The following PML variants were observed in gnomAD, a reference collection of about 807,000 sequenced individuals.
The protein encoded by PML is protein PML.
Under a neutral mutation model 65.2 loss-of-function variants are expected in PML, and 28 were observed. The ratio of observed to expected loss-of-function variants is 0.43; its 90% CI spans 0.32 to 0.59. The LOEUF (loss-of-function observed/expected upper bound fraction) is 0.59. PML is among the 20% of genes least tolerant of loss of function. The pLI, the probability that PML is intolerant of heterozygous loss-of-function variation, is 0.08. For synonymous variants in PML, 500 were observed against 508.8 expected (o/e 0.98, Z 0.23); for missense variants, 1,021 against 1,203.4 (o/e 0.85, Z 2.24).
In PML at chr15:74,001,553, C is replaced by T. The variant is rs796658791; in HGVS notation, c.602+3077C>T. On this transcript the variant is annotated intron_variant, in intron 2 of 8. Coordinates refer to ENST00000268058, the MANE Select transcript of PML (RefSeq NM_033238.3). ...ACGGGGTTTCCCCATGTTGACCAGG[C>T]TGGTCTCGAACTCCTGGCCTCAAGT... 7.9e-5 allele frequency among the ~76,000 whole-genome samples: 12 copies of T among 152,126 alleles called. 1 individual carries two copies. Among genetic ancestry groups the T allele is most frequent in the African/African-American group, 2.6e-4 (11 of 41,534 alleles).
chr15:74,043,720 C>G lies in PML; in HGVS notation c.1862-501C>G, dbSNP rs756105126. 1 of 529,864 alleles carries G rather than the reference C, an allele frequency of 1.9e-6. No homozygotes were observed. Among genetic ancestry groups the G allele is most frequent in the Admixed American group, 1.9e-5 (1 of 51,816 alleles). 32.8% of individuals were successfully genotyped at this position (529,864 alleles called of 1,614,324 possible). A position where few individuals can be genotyped will look rare whatever the true frequency, so the allele number is the denominator to read the frequency against. On this transcript the variant is annotated intron_variant, in intron 8 of 8. Transcript: ENST00000268058. The surrounding 1 kb of genome is among the most constrained non-coding windows in gnomAD (Gnocchi z 4.3). ...GGCTAGCCCAGCCAGACAGAAACAG[C>G]AAGTGTTTTCATGGTACAGAAAAGT...
chr15:74,014,862 A>G (rs2070496820), intron 2 of PML, among the ~76,000 whole-genome samples: 1 of 152,186 alleles, frequency 6.6e-6, no homozygotes, highest in South Asian at 2.1e-4. Context: ...TAAAGATGGC[A>G]GGAGAAACAG....
chr15:74,038,502 G>GT (rs1295119545), intron 7 of PML, among the ~76,000 whole-genome samples: 2 of 152,110 alleles, frequency 1.3e-5, no homozygotes, highest in African/African-American at 4.8e-5. Flanking sequence ...TTTAAAAATT[G>GT]TTATAGGAGT....
At position 74,037,854 on chromosome 15, in the gene PML, C is replaced by A; in HGVS notation, c.1710+3324C>A. 1 of 328,606 alleles carries A rather than the reference C, an allele frequency of 3.0e-6. No homozygotes were observed. Among genetic ancestry groups the A allele is most frequent in the Non-Finnish European group, 4.4e-6 (1 of 229,456 alleles). The allele number at this position is 328,606 out of a possible 1,614,324, so 20.4% of individuals were successfully genotyped here. Reference sequence around the variant, plus strand: ...CAGGTGCTCTCAGCCACGCCCCTGACTTCAGTTACTGCCCAGGGGTAGCTG... The same window carrying A: ...CAGGTGCTCTCAGCCACGCCCCTGAATTCAGTTACTGCCCAGGGGTAGCTG... On this transcript the variant is annotated intron_variant, in intron 7 of 8. Transcript: ENST00000268058. This position sits in a 1 kb window ranked among gnomAD's most constrained non-coding sequence, Gnocchi z 4.2.
At chr15:74,021,934 CA>C (rs1183384575) in intron 2 of PML, among the ~76,000 whole-genome samples, 1 of 152,162 alleles carries the variant, frequency 6.6e-6, no homozygotes, top group Non-Finnish European at 1.5e-5. Flanking sequence ...GGAGGAAGTT[CA>C]AAGTAATTAT....
In PML at chr15:74,037,228, G is replaced by A. The variant is rs577568210; in HGVS notation, c.1710+2698G>A. On this transcript the variant is annotated intron_variant, in intron 7 of 8. Transcript: ENST00000268058. The surrounding 1 kb of genome is among the most constrained non-coding windows in gnomAD (Gnocchi z 4.2). The stretch of plus-strand genomic sequence containing the variant: ...CCCAGCCTCACCCTCAGCTGATGGC[G>A]GCACCTTCTGCTCCAGGGAGAAAAC... 4.6e-5 allele frequency: 45 copies of A among 985,372 alleles called. No individual in the cohort carries two copies. Among genetic ancestry groups the A allele is most frequent in the Middle Eastern group, 1.0e-3 (2 of 1,914 alleles). The allele number at this position is 985,372 out of a possible 1,614,324, so 61.0% of individuals were successfully genotyped here. A position where few individuals can be genotyped will look rare whatever the true frequency, so the allele number is the denominator to read the frequency against.
At position 74,044,734 on chromosome 15, in the gene PML, G is replaced by T; in HGVS notation, c.2375G>T (p.Arg792Leu). ...CTGGTGCAGGCAGCTGTGCTGCCCC[G>T]GGCTGAGGCCCGCCTCCTGGCCCTA... is the stretch of plus-strand genomic sequence containing the variant. ...QPLVQAAVLP[R>L]AEARLLALHN... The change falls in exon 9 of 9, where the codon CGG becomes CTG. Residue 792 changes from arginine to leucine, a missense_variant. Transcript: ENST00000268058. 1.2e-6 allele frequency: 2 copies of T among 1,610,562 alleles called. No homozygotes were observed. The highest frequency in any genetic ancestry group is 1.7e-6 in the Non-Finnish European group (2 of 1,179,946).
At chr15:73,996,541 T>C (rs1014365118) in intron 1 of PML, among the ~76,000 whole-genome samples, 2 of 152,216 alleles carry the variant, frequency 1.3e-5, no homozygotes, top group Non-Finnish European at 2.9e-5. Context: ...AGATTAAAAG[T>C]TCTTAGATAA....
chr15:74,029,027 C>T (rs1253407365), intron 4 of PML, among the ~76,000 whole-genome samples: 1 of 152,116 alleles, frequency 6.6e-6, no homozygotes, highest in Non-Finnish European at 1.5e-5. Context: ...GAAGTGGGAT[C>T]GCTGGATCAT....
chr15:74,022,784 AAGTC>A (rs1395659015), intron 2 of PML, 40 bp from the exon 3 acceptor site: 4 of 1,506,562 alleles, frequency 2.7e-6, no homozygotes, highest in Non-Finnish European at 3.7e-6. Context: ...TAAGAGGAAA[AAGTC>A]AGGAGAGTCC....
In PML at chr15:73,998,428, A is replaced by G. The variant is rs1296376316; in HGVS notation, c.554A>G (p.Asn185Ser). ...REFLDGTRKTNNIFCSNPNHR... is the reference protein window; with the variant it reads ...REFLDGTRKTSNIFCSNPNHR... ...TTCCTGGACGGCACCCGCAAGACCA[A>G]CAACATCTTCTGCTCCAACCCCAAC... The change falls in exon 2 of 9, where the codon AAC becomes AGC. Residue 185 changes from asparagine to serine, a missense_variant. Physicochemically the swap from Asn to Ser is conservative, Grantham distance 46. Transcript: ENST00000268058. 2 of 1,613,960 alleles carry G rather than the reference A, an allele frequency of 1.2e-6. No individual in the cohort carries two copies.
chr15:74,004,719 ATTT>A (rs762375779), intron 2 of PML, among the ~76,000 whole-genome samples: 1 of 143,202 alleles, frequency 7.0e-6, no homozygotes, highest in Admixed American at 7.0e-5. Context: ...CTGCTTTTTA[ATTT>A]TTTTTTTTTT....
At position 74,035,467 on chromosome 15, in the gene PML, G is replaced by A. The variant is rs570306547; in HGVS notation, c.1710+937G>A. On this transcript the variant is annotated intron_variant, in intron 7 of 8. Transcript: ENST00000268058. The surrounding 1 kb of genome is among the most constrained non-coding windows in gnomAD (Gnocchi z 4.1). ...AGAGCACAGAGAGCCATCCGCCTTC[G>A]CCATGCCCTCCGCTTGCACCCTCAA... is the stretch of plus-strand genomic sequence containing the variant. 12 of 1,612,316 alleles carry A rather than the reference G, an allele frequency of 7.4e-6. No homozygotes were observed. The South Asian group carries it at 8.8e-5, about 12-fold the overall frequency.
At chr15:74,010,373 T>C (rs2070275583) in intron 2 of PML, among the ~76,000 whole-genome samples, 1 of 151,290 alleles carries the variant, frequency 6.6e-6, no homozygotes, top group African/African-American at 2.4e-5. Context: ...TAACAAGCTT[T>C]TGGCATAGTG....
chr15:74,042,572 C>T lies in PML; in HGVS notation c.1711-417C>T, dbSNP rs1343438175. ...CATAGCAGATGGCTCCTTCCCTGAG[C>T]CTCCATAAGCAGCACAGCACACTCA... is the stretch of plus-strand genomic sequence containing the variant. On this transcript the variant is annotated intron_variant, in intron 7 of 8. Transcript: ENST00000268058. The surrounding 1 kb of genome is among the most constrained non-coding windows in gnomAD (Gnocchi z 5.3). The T allele has an allele frequency of 1.0e-6, 1 of 985,308 alleles. No homozygotes were observed. Among genetic ancestry groups the T allele is most frequent in the African/African-American group, 1.7e-5 (1 of 57,236 alleles). 61.0% of individuals were successfully genotyped at this position (985,308 alleles called of 1,614,324 possible). A position where few individuals can be genotyped will look rare whatever the true frequency, so the allele number is the denominator to read the frequency against.
At chr15:74,002,003 C>T (rs59479431) in intron 2 of PML, among the ~76,000 whole-genome samples, 4 of 140,510 alleles carry the variant, frequency 2.8e-5, no homozygotes, top group Non-Finnish European at 4.6e-5. Flanking sequence ...GACCCTGACT[C>T]GAAAAAAAAA....
intron 7 of PML, among the ~76,000 whole-genome samples, chr15:74,039,318 A>T (rs12917449): frequency 6.6e-6 from 1 of 152,256 alleles, no homozygotes; most frequent in Non-Finnish European, 1.5e-5. Context: ...CAGTTCACTC[A>T]TAACATGTGC....
At position 74,046,541 on chromosome 15, in the gene PML, C is replaced by T; in HGVS notation, c.*1533C>T. 1 of 232,726 alleles carries T rather than the reference C, an allele frequency of 4.3e-6. No homozygotes were observed. Among genetic ancestry groups the T allele is most frequent in the Non-Finnish European group, 8.5e-6 (1 of 117,722 alleles). The allele number at this position is 232,726 out of a possible 1,614,324, so 14.4% of individuals were successfully genotyped here. On this transcript the variant is annotated 3_prime_UTR_variant, in exon 9 of 9. Coordinates refer to ENST00000268058, the MANE Select transcript of PML (RefSeq NM_033238.3). ...CTTGTTCCCACGACCGGAGTGCTGG[C>T]TCTCACAGTGAATTTTGATGCATTT...
rs1051871391 is a variant in PML at position 74,043,344 on chromosome 15, T to A, written c.1861+205T>A. 1 of 1,449,202 alleles carries A rather than the reference T, an allele frequency of 6.9e-7. No homozygotes were observed. 89.8% of individuals were successfully genotyped at this position (1,449,202 alleles called of 1,614,324 possible). ...GAATAAAGATGTCCGCCTTATCCAG[T>A]GCCTGAGTGTGCGAGAGAGGCAGAT... On this transcript the variant is annotated intron_variant, in intron 8 of 8. Coordinates refer to ENST00000268058, the MANE Select transcript of PML (RefSeq NM_033238.3). This position sits in a 1 kb window ranked among gnomAD's most constrained non-coding sequence, Gnocchi z 4.3.
Sources: allele counts gnomAD v4.1 joint callset (sites outside exome capture counted in the v4.1 genomes callset), GRCh38; gene constraint gnomAD v4.1.1; non-coding constraint Gnocchi (gnomAD v3.1); transcripts MANE v1.5; gene names NCBI Gene and HGNC (gene_info 2026-07-23, HGNC 2026-07-21).